Variants in CHRM5 observed in about 807,000 individuals in gnomAD.
CHRM5 encodes cholinergic receptor muscarinic 5.
Under a neutral mutation model 39.0 loss-of-function variants are expected in CHRM5, and 18 were observed. That is an observed-to-expected ratio of 0.46 (90% CI 0.32 to 0.68). CHRM5 has a LOEUF of 0.68. Among genes scored for constraint, CHRM5 ranks in the 30% least tolerant of loss-of-function variants. The pLI is 0.04. For missense variants in CHRM5, 515 were observed against 651.1 expected (o/e 0.79, Z 2.28); for synonymous variants, 241 against 246.3 (o/e 0.98, Z 0.20).
chr15:34,015,870 C>T (rs747065216), intron 1 of CHRM5, among the ~76,000 whole-genome samples: 14 of 152,174 alleles, frequency 9.2e-5, no homozygotes, highest in Middle Eastern at 3.2e-3. Context: ...AATTACCATT[C>T]GTTAGCAGAA....
chr15:34,059,103 G>C (rs1473915504), intron 2 of CHRM5, among the ~76,000 whole-genome samples: 1 of 149,378 alleles, frequency 6.7e-6, no homozygotes, highest in Non-Finnish European at 1.5e-5. Flanking sequence ...CATCATGTTG[G>C]CCAGGCTGGT....
intron 1 of CHRM5, among the ~76,000 whole-genome samples, chr15:34,044,256 G>C (rs1413985178): frequency 1.3e-5 from 2 of 151,956 alleles, no homozygotes; most frequent in African/African-American, 4.8e-5. Context: ...AGCCTTTTGT[G>C]CCCACCACTT....
chr15:34,049,176 C>G (rs1222028539), intron 2 of CHRM5, among the ~76,000 whole-genome samples: 9 of 152,212 alleles, frequency 5.9e-5, no homozygotes, highest in Non-Finnish European at 1.0e-4. Context: ...ACCTCTCCAG[C>G]AAAGGCACAG....
chr15:33,981,610 G>A (rs534879504), intron 1 of CHRM5, among the ~76,000 whole-genome samples: 8 of 152,286 alleles, frequency 5.3e-5, no homozygotes, highest in South Asian at 4.1e-4. Flanking sequence ...CACAGGGGGC[G>A]AGAGTGCAAT....
chr15:34,018,786 G>A (rs1377855511), intron 1 of CHRM5, among the ~76,000 whole-genome samples: 1 of 152,340 alleles, frequency 6.6e-6, no homozygotes, highest in East Asian at 1.9e-4. Flanking sequence ...TCCATTTACA[G>A]AGTGCTGATT....
chr15:34,044,474 G>A (rs980138256), intron 1 of CHRM5, among the ~76,000 whole-genome samples: 2 of 152,222 alleles, frequency 1.3e-5, no homozygotes, highest in African/African-American at 4.8e-5. Context: ...CCCTAGGTTT[G>A]TGGGGAAGAC....
rs772610553 is a variant in CHRM5 at position 34,062,808 on chromosome 15, A to G, written c.91A>G (p.Ile31Val). The change falls in exon 3 of 3, where the codon ATC becomes GTC. Residue 31 changes from isoleucine to valine, a missense_variant. Transcript: ENST00000383263. ...GGAACGCCACAGGTTGTGGGAAGTC[A>G]TCACCATTGCAGCTGTGACTGCTGT... ...PLERHRLWEVITIAAVTAVVS... is the reference protein window; with the variant it reads ...PLERHRLWEVVTIAAVTAVVS... 3.1e-6 allele frequency: 5 copies of G among 1,614,102 alleles called. No homozygotes were observed. In the East Asian group the frequency reaches 1.1e-4, roughly 36 times the overall value.
chr15:34,038,900 T>TCCGCCTCCGTCCCCGCCG lies in CHRM5; in HGVS notation c.-407-7630_-407-7613dup, dbSNP rs1345192849. 19 of 1,121,412 alleles carry TCCGCCTCCGTCCCCGCCG rather than the reference T, an allele frequency of 1.7e-5. No individual in the cohort carries two copies. In the East Asian group the frequency reaches 7.9e-4, roughly 47 times the overall value. The allele number at this position is 1,121,412 out of a possible 1,614,324, so 69.5% of individuals were successfully genotyped here. ...CCCGGCCACGGCCACGGCCCCGGCG[T>TCCGCCTCCGTCCCCGCCG]CCGCCTCCGTCCCCGCCGCCGCCTC... On this transcript the variant is annotated intron_variant, in intron 1 of 2. Transcript: ENST00000383263.
intron 2 of CHRM5, among the ~76,000 whole-genome samples, chr15:34,051,832 T>C (rs1218807571): frequency 1.3e-5 from 2 of 151,784 alleles, no homozygotes; most frequent in African/African-American, 2.4e-5. Context: ...AGTTCTGAAA[T>C]TGAGGCACTA....
At chr15:34,022,021 T>A (rs1898223918) in intron 1 of CHRM5, among the ~76,000 whole-genome samples, 1 of 152,152 alleles carries the variant, frequency 6.6e-6, no homozygotes, top group African/African-American at 2.4e-5. Context: ...CAAGTGCAAA[T>A]ATTTTGTAGA....
At chr15:34,041,196 CCT>C (rs1899461929) in intron 1 of CHRM5, among the ~76,000 whole-genome samples, 1 of 152,076 alleles carries the variant, frequency 6.6e-6, no homozygotes, top group Non-Finnish European at 1.5e-5. Flanking sequence ...AGAATGAACC[CCT>C]CTCCCCCTCA....
intron 1 of CHRM5, among the ~76,000 whole-genome samples, chr15:33,973,607 C>T (rs1895733271): frequency 6.6e-6 from 1 of 152,182 alleles, no homozygotes; most frequent in South Asian, 2.1e-4. Context: ...TCTGGGAGGC[C>T]AAAGCTGGAG....
chr15:33,980,248 A>G (rs1896074855), intron 1 of CHRM5, among the ~76,000 whole-genome samples: 1 of 151,230 alleles, frequency 6.6e-6, no homozygotes, highest in Non-Finnish European at 1.5e-5. Context: ...TATAGCTGAC[A>G]GACATGCACA....
chr15:34,021,530 C>G (rs139524376), intron 1 of CHRM5, among the ~76,000 whole-genome samples: 4 of 152,060 alleles, frequency 2.6e-5, no homozygotes, highest in Non-Finnish European at 5.9e-5. Flanking sequence ...GGTGAGCCAC[C>G]GCGCCTGGCT....
chr15:33,994,244 T>G (rs1300523037), intron 1 of CHRM5, among the ~76,000 whole-genome samples: 1 of 152,232 alleles, frequency 6.6e-6, no homozygotes, highest in African/African-American at 2.4e-5. Context: ...TCGATTCTCA[T>G]AGGAGCCAAA....
chr15:34,033,260 C>T (rs896524658), intron 1 of CHRM5, among the ~76,000 whole-genome samples: 4 of 152,102 alleles, frequency 2.6e-5, no homozygotes, highest in Non-Finnish European at 5.9e-5. Context: ...AATCCTAGCA[C>T]GTCAGGAGGC....
chr15:34,009,095 T>C (rs1277096160), intron 1 of CHRM5, among the ~76,000 whole-genome samples: 2 of 151,856 alleles, frequency 1.3e-5, no homozygotes, highest in Non-Finnish European at 2.9e-5. Context: ...AAGGCAATAA[T>C]ATAACATATT....
intron 1 of CHRM5, among the ~76,000 whole-genome samples, chr15:34,000,553 T>C (rs1464900504): frequency 1.3e-5 from 2 of 152,254 alleles, no homozygotes; most frequent in Non-Finnish European, 2.9e-5. Context: ...TTTTTCTCAG[T>C]TGTCTATTTA....
intron 1 of CHRM5, among the ~76,000 whole-genome samples, chr15:34,031,630 C>A (rs35547338): frequency 1.3e-5 from 2 of 152,130 alleles, no homozygotes; most frequent in African/African-American, 4.8e-5. Context: ...TTCCATTAAT[C>A]TCCTATTTTT....
Sources: allele counts gnomAD v4.1 joint callset (sites outside exome capture counted in the v4.1 genomes callset), GRCh38; gene constraint gnomAD v4.1.1; transcripts MANE v1.5; gene names NCBI Gene and HGNC (gene_info 2026-07-23, HGNC 2026-07-21).